The following A4GALT variants were observed in gnomAD, a reference collection of about 807,000 sequenced individuals.
The protein encoded by A4GALT is lactosylceramide 4-alpha-galactosyltransferase.
For missense variants in A4GALT, 512 were observed against 486.0 expected (o/e 1.05, Z -0.50); for synonymous variants, 257 against 220.7 (o/e 1.16, Z -1.46).
intron 1 of A4GALT, among the ~76,000 whole-genome samples, chr22:42,703,625 A>T (rs983451779): frequency 7.2e-5 from 11 of 152,234 alleles, no homozygotes; most frequent in Non-Finnish European, 1.0e-4. Flanking sequence ...CTCAGCAGTG[A>T]TGTCGGGAAG....
At chr22:42,703,483 T>C (rs1920942423) in intron 1 of A4GALT, among the ~76,000 whole-genome samples, 1 of 152,054 alleles carries the variant, frequency 6.6e-6, no homozygotes, top group East Asian at 1.9e-4. Context: ...CTTGAACTCC[T>C]GACCTCGTGA....
rs892272781 is a variant in A4GALT at position 42,714,950 on chromosome 22, G to T, written c.-188+5847C>A. 4.0e-5 allele frequency among the ~76,000 whole-genome samples: 6 copies of T among 151,852 alleles called. No homozygotes were observed. In the South Asian group the frequency reaches 6.2e-4, roughly 16 times the overall value. ...GCCAGGGAACACACTGTGGGGCCCT[G>T]GAGTAAGTGACTCAGGGAGGAGGAA... On this transcript the variant is annotated intron_variant, in intron 1 of 2. Transcript: ENST00000642412.
chr22:42,699,393 A>C (rs150847281), intron 1 of A4GALT, among the ~76,000 whole-genome samples: 54 of 152,182 alleles, frequency 3.5e-4, no homozygotes, highest in African/African-American at 1.3e-3. Context: ...CTCCTTTACA[A>C]TCTTAGTAAA....
chr22:42,715,638 C>A (rs1322780982), intron 1 of A4GALT, among the ~76,000 whole-genome samples: 2 of 151,966 alleles, frequency 1.3e-5, no homozygotes, highest in Non-Finnish European at 2.9e-5. Flanking sequence ...CGCTTGAGCC[C>A]AGGAGGTTGA....
chr22:42,718,995 C>A (rs1487763969), intron 1 of A4GALT, among the ~76,000 whole-genome samples: 1 of 152,170 alleles, frequency 6.6e-6, no homozygotes, highest in Admixed American at 6.5e-5. Context: ...CCCAGTGGCC[C>A]CGTGGCCAGG....
At chr22:42,699,886 G>A (rs1931184125) in intron 1 of A4GALT, among the ~76,000 whole-genome samples, 1 of 152,188 alleles carries the variant, frequency 6.6e-6, no homozygotes, top group East Asian at 1.9e-4. Flanking sequence ...CAGTGTGGGT[G>A]GGCCCCCAAC....
chr22:42,702,017 A>G (rs1487174796), intron 1 of A4GALT, among the ~76,000 whole-genome samples: 1 of 152,046 alleles, frequency 6.6e-6, no homozygotes, highest in Non-Finnish European at 1.5e-5. Context: ...CATCCCCCTG[A>G]TCAGTGTCTT....
At chr22:42,715,492 T>G (rs1922091813) in intron 1 of A4GALT, among the ~76,000 whole-genome samples, 1 of 151,756 alleles carries the variant, frequency 6.6e-6, no homozygotes, top group Non-Finnish European at 1.5e-5. Context: ...GAGGTGGAGG[T>G]GTGAGGATCA....
chr22:42,715,520 C>T (rs1922096085), intron 1 of A4GALT, among the ~76,000 whole-genome samples: 1 of 151,720 alleles, frequency 6.6e-6, no homozygotes, highest in African/African-American at 2.4e-5. Context: ...CCAGGAGCTC[C>T]AGACCAGCCT....
chr22:42,703,937 G>T (rs1172579757), intron 1 of A4GALT, among the ~76,000 whole-genome samples: 2 of 152,102 alleles, frequency 1.3e-5, no homozygotes, highest in Non-Finnish European at 2.9e-5. Context: ...ACGTGACCTT[G>T]GACCCACCTC....
intron 1 of A4GALT, among the ~76,000 whole-genome samples, chr22:42,713,810 CA>C (rs35353035): frequency 0.22 from 20,918 of 93,068 alleles, 3,268 homozygotes; most frequent in African/African-American, 0.5. Flanking sequence ...GAAACTCTGT[CA>C]AAAAAAAAAA....
At position 42,720,813 on chromosome 22, in the gene A4GALT, GGCGGGCGGCGGACAGCGGGGCCCC is replaced by G. The variant is rs1409640769; in HGVS notation, c.-228_-205del. The G allele has an allele frequency of 6.2e-5, 6 of 97,324 alleles. No homozygotes were observed. The highest frequency in any genetic ancestry group is 1.1e-4 in the Non-Finnish European group (4 of 36,222). 6.0% of individuals were successfully genotyped at this position (97,324 alleles called of 1,614,324 possible). A position where few individuals can be genotyped will look rare whatever the true frequency, so the allele number is the denominator to read the frequency against. ...CCCTCGTACCTCTAGCTCCAGCGGC[GGCGGGCGGCGGACAGCGGGGCCCC>G]GGCGGGCGGGCGGCGCGGCGGCCGG... On this transcript the variant is annotated 5_prime_UTR_variant, in exon 1 of 3. Transcript: ENST00000642412.
At position 42,693,686 on chromosome 22, in the gene A4GALT, T is replaced by C. The variant is rs1317286745; in HGVS notation, c.266A>G (p.Asn89Ser). The part of the protein sequence containing the change: ...IFFLETSDRT[N>S]PNFLFMCSVE... ...CGAGCACATGAACAGGAAGTTGGGGTTGGTCCGGTCTGAAGTCTCCAGGAA... is the reference window on the plus strand; with the variant it reads ...CGAGCACATGAACAGGAAGTTGGGGCTGGTCCGGTCTGAAGTCTCCAGGAA... Residue 89 changes from asparagine (N) to serine (S), a missense_variant, in exon 3 of 3, where the codon AAC becomes AGC. Coordinates refer to ENST00000642412, the MANE Select transcript of A4GALT (RefSeq NM_017436.7). 1.3e-6 allele frequency: 2 copies of C among 1,568,434 alleles called. No homozygotes were observed. The highest frequency in any genetic ancestry group is 2.2e-5 in the South Asian group (2 of 89,754).
At chr22:42,710,589 TGA>T (rs373834206) in intron 1 of A4GALT, among the ~76,000 whole-genome samples, 1 of 151,886 alleles carries the variant, frequency 6.6e-6, no homozygotes, top group African/African-American at 2.4e-5. Context: ...CCCAGATACT[TGA>T]GAGGCTGAGG....
At position 42,693,911 on chromosome 22, in the gene A4GALT, C is replaced by G. The variant is rs367569847; in HGVS notation, c.41G>C (p.Gly14Ala). Residue 14 changes from glycine (G) to alanine (A), a missense_variant, in exon 3 of 3, where the codon GGC becomes GCC. By Grantham distance (60) the Gly-to-Ala change is moderately conservative. Coordinates refer to ENST00000642412, the MANE Select transcript of A4GALT (RefSeq NM_017436.7). ...PPDLLLRLLR[G>A]APRQRVCTLF... is the part of the protein sequence containing the mutation. ...GGTGCAGACCCGCTGCCTTGGGGCG[C>G]CCCGGAGCAGCCGCAGCAGGAGGTC... is the stretch of plus-strand genomic sequence containing the variant. 2.1e-5 allele frequency: 34 copies of G among 1,606,070 alleles called. No homozygotes were observed. The highest frequency in any genetic ancestry group is 8.5e-5 in the Admixed American group (5 of 59,136).
chr22:42,703,103 C>A (rs968188183), intron 1 of A4GALT, among the ~76,000 whole-genome samples: 8 of 44,504 alleles, frequency 1.8e-4, no homozygotes, highest in African/African-American at 1.3e-3. Context: ...GCATGCTGCC[C>A]CACTGTGTGT....
intron 1 of A4GALT, among the ~76,000 whole-genome samples, chr22:42,706,451 A>G (rs531513565): frequency 6.6e-6 from 1 of 151,762 alleles, no homozygotes; most frequent in South Asian, 2.1e-4. Flanking sequence ...ACCTATCTCT[A>G]TTCTCTATTC....
intron 1 of A4GALT, among the ~76,000 whole-genome samples, chr22:42,713,509 T>C (rs1476030781): frequency 2.0e-5 from 3 of 152,086 alleles, no homozygotes; most frequent in Non-Finnish European, 4.4e-5. Flanking sequence ...GGAAAATTAG[T>C]GAAGAAACAC....
intron 1 of A4GALT, among the ~76,000 whole-genome samples, chr22:42,713,810 CAAA>C (rs35353035): frequency 3.5e-4 from 33 of 93,136 alleles, no homozygotes; most frequent in Middle Eastern, 6.9e-3. Flanking sequence ...GAAACTCTGT[CAAA>C]AAAAAAAAAA....
Sources: allele counts gnomAD v4.1 joint callset (sites outside exome capture counted in the v4.1 genomes callset), GRCh38; gene constraint gnomAD v4.1.1; transcripts MANE v1.5; gene names NCBI Gene and HGNC (gene_info 2026-07-23, HGNC 2026-07-21).